Variants in ABAT observed in about 807,000 individuals in gnomAD.
ABAT encodes 4-aminobutyrate aminotransferase, mitochondrial.
In ABAT, 45 loss-of-function variants were observed where a neutral mutation model predicts 64.6. That is an observed-to-expected ratio of 0.70 (90% CI 0.55 to 0.89). The LOEUF is 0.89. Ranked by LOEUF, ABAT falls within the 40% of genes least tolerant of loss-of-function variation. The pLI is 0.00. For synonymous variants in ABAT, 297 were observed against 250.5 expected (o/e 1.19, Z -1.75); for missense variants, 633 against 658.4 (o/e 0.96, Z 0.42).
chr16:8,768,802 C>T, intron 10 of ABAT, 23 bp from the exon 11 acceptor site: 2 of 1,614,040 alleles, frequency 1.2e-6, no homozygotes, highest in East Asian at 2.2e-5. Context: ...CAAGCGTCTG[C>T]TTTTCTGTTT....
rs2060443381 is a variant in ABAT, at chr16:8,781,687, T to A, written c.*257T>A. On this transcript the variant is annotated 3_prime_UTR_variant, in exon 16 of 16. Transcript: ENST00000268251. This position sits in a 1 kb window ranked among gnomAD's most constrained non-coding sequence, Gnocchi z 4.5. ...TCCTGCTTGAGCCCTGGACTCATCT[T>A]GGGAAGGGCCATGGGAGGTCCTGGC... The A allele has an allele frequency of 1.8e-6, 1 of 565,024 alleles. No homozygotes were observed. 35.0% of individuals were successfully genotyped at this position (565,024 alleles called of 1,614,324 possible).
Position 8,760,454 on chromosome 16 carries a change from A to G in ABAT, c.366+2648A>G, listed in dbSNP as rs2059763501. 2.0e-5 allele frequency: 3 copies of G among 152,356 alleles called. No homozygotes were observed. In the South Asian group the frequency reaches 6.2e-4, roughly 32 times the overall value. The allele number at this position is 152,356 out of a possible 1,614,324, so 9.4% of individuals were successfully genotyped here. A position where few individuals can be genotyped will look rare whatever the true frequency, so the allele number is the denominator to read the frequency against. On this transcript the variant is annotated intron_variant, in intron 6 of 15. Coordinates refer to ENST00000268251, the MANE Select transcript of ABAT (RefSeq NM_020686.6). ...TAAACAGAGTTGGAGCTAATAGGAA[A>G]GAACCACATTTTCTTCTGTCTGAAT... is the stretch of plus-strand genomic sequence containing the variant.
At chr16:8,762,711 C>T (rs991004453) in intron 6 of ABAT, among the ~76,000 whole-genome samples, 2 of 152,170 alleles carry the variant, frequency 1.3e-5, no homozygotes, top group Non-Finnish European at 2.9e-5. Flanking sequence ...GGAGCCATTT[C>T]CCTGCTGCTA....
intron 1 of ABAT, among the ~76,000 whole-genome samples, chr16:8,676,263 C>G (rs2057199578): frequency 6.6e-6 from 1 of 152,116 alleles, no homozygotes; most frequent in African/African-American, 2.4e-5. Flanking sequence ...GACGTGGCCC[C>G]TTCATTTGAC....
chr16:8,724,700 G>C (rs1338053365), intron 1 of ABAT, among the ~76,000 whole-genome samples: 2 of 123,676 alleles, frequency 1.6e-5, no homozygotes, highest in Non-Finnish European at 3.2e-5. Flanking sequence ...CTCCACTCCA[G>C]CTTGGGCAAT....
intron 1 of ABAT, among the ~76,000 whole-genome samples, chr16:8,695,494 C>G (rs1314603965): frequency 6.6e-6 from 1 of 152,226 alleles, no homozygotes; most frequent in East Asian, 1.9e-4. Flanking sequence ...CCAACTGCCG[C>G]TTACTTGTGG....
At chr16:8,715,374 T>TCCG (rs2058184402) in intron 1 of ABAT, 1 of 152,032 alleles carries the variant, frequency 6.6e-6, no homozygotes, top group Non-Finnish European at 1.5e-5. Flanking sequence ...TCCCAGTGCT[T>TCCG]TGGGAGTCCG....
intron 2 of ABAT, among the ~76,000 whole-genome samples, chr16:8,740,629 C>T (rs971156323): frequency 6.6e-6 from 1 of 152,200 alleles, no homozygotes; most frequent in African/African-American, 2.4e-5. Context: ...GTGTCTCCAC[C>T]AGGTCCCTGT....
At chr16:8,735,053 A>G (rs2142382061) in intron 1 of ABAT, among the ~76,000 whole-genome samples, 1 of 151,078 alleles carries the variant, frequency 6.6e-6, no homozygotes, top group South Asian at 2.1e-4. Flanking sequence ...ACTTAAAAAA[A>G]AAAATCACTG....
chr16:8,697,855 G>A (rs150697056), intron 1 of ABAT, among the ~76,000 whole-genome samples: 9 of 152,050 alleles, frequency 5.9e-5, no homozygotes, highest in African/African-American at 1.2e-4. Flanking sequence ...CAGGCTGGTC[G>A]CAAACTCCTG....
chr16:8,712,473 T>TA (rs948816387), intron 1 of ABAT, among the ~76,000 whole-genome samples: 12 of 152,308 alleles, frequency 7.9e-5, no homozygotes, highest in Admixed American at 7.8e-4. Flanking sequence ...GAAAGTTTCA[T>TA]AAAAAATCAT....
chr16:8,687,906 T>A (rs892207011), intron 1 of ABAT, among the ~76,000 whole-genome samples: 2 of 152,110 alleles, frequency 1.3e-5, no homozygotes, highest in African/African-American at 4.8e-5. Context: ...ATGCTCTTTT[T>A]TTTTTTTAAG....
intron 12 of ABAT, among the ~76,000 whole-genome samples, 196 bp from the exon 13 acceptor site, chr16:8,774,694 G>T (rs781048335): frequency 6.6e-6 from 1 of 152,170 alleles, no homozygotes; most frequent in East Asian, 1.9e-4. Flanking sequence ...ATTCAGCTCT[G>T]GTTGGAACTG....
chr16:8,693,409 T>A (rs564598865), intron 1 of ABAT, among the ~76,000 whole-genome samples: 1 of 152,318 alleles, frequency 6.6e-6, no homozygotes, highest in South Asian at 2.1e-4. Context: ...CTCATATTAG[T>A]GGAGCCATGC....
intron 1 of ABAT, among the ~76,000 whole-genome samples, chr16:8,699,870 G>A (rs2057781560): frequency 6.6e-6 from 1 of 152,124 alleles, no homozygotes; most frequent in Non-Finnish European, 1.5e-5. Flanking sequence ...CTGGAGTGCA[G>A]TGGCACGATC....
chr16:8,735,326 A>G (rs933475434), intron 1 of ABAT, among the ~76,000 whole-genome samples: 3 of 152,064 alleles, frequency 2.0e-5, no homozygotes, highest in Non-Finnish European at 4.4e-5. Flanking sequence ...ATTATGGCTC[A>G]CTGCAGCCTC....
intron 6 of ABAT, chr16:8,760,234 G>A (rs1354426874): frequency 6.6e-6 from 1 of 152,184 alleles, no homozygotes; most frequent in East Asian, 1.9e-4. Context: ...GCCGGGGGAG[G>A]GTTCCAGTCT....
At chr16:8,687,305 A>T (rs2057477633) in intron 1 of ABAT, among the ~76,000 whole-genome samples, 1 of 152,010 alleles carries the variant, frequency 6.6e-6, no homozygotes, top group African/African-American at 2.4e-5. Context: ...CGGGCGAATC[A>T]CGAGGTCAGG....
chr16:8,769,557 CAAAAAAAAAA>C (rs35002036), intron 11 of ABAT, among the ~76,000 whole-genome samples: 12 of 86,774 alleles, frequency 1.4e-4, no homozygotes, highest in African/African-American at 3.2e-4. Flanking sequence ...AGACTCTGTC[CAAAAAAAAAA>C]AAAAAAAAAA....
Sources: allele counts gnomAD v4.1 joint callset (sites outside exome capture counted in the v4.1 genomes callset), GRCh38; gene constraint gnomAD v4.1.1; non-coding constraint Gnocchi (gnomAD v3.1); transcripts MANE v1.5; gene names NCBI Gene and HGNC (gene_info 2026-07-23, HGNC 2026-07-21).